FREM2: variants seen among roughly 807,000 people sequenced by gnomAD.
The protein encoded by FREM2 is FRAS1 related extracellular matrix 2.
FREM2 carries 119 observed loss-of-function variants against 219.9 expected under a neutral mutation model. The ratio of observed to expected loss-of-function variants is 0.54; its 90% confidence interval spans 0.47 to 0.63. FREM2 has a LOEUF of 0.63. Ranked by LOEUF, FREM2 falls within the 30% of genes least tolerant of loss-of-function variation. The probability of loss-of-function intolerance (pLI) is 0.00; values close to 1 mark genes in which losing one functional copy is unlikely to be tolerated. For missense variants in FREM2, 4,030 were observed against 3,993.6 expected (o/e 1.01, Z -0.25); for synonymous variants, 1,562 against 1,522.8 (o/e 1.03, Z -0.60).
At chr13:38,840,270 C>G (rs115355027) in intron 6 of FREM2, among the ~76,000 whole-genome samples, 1,725 of 152,078 alleles carry the variant, frequency 0.011, 40 homozygotes, top group African/African-American at 0.04. Flanking sequence ...TCTGCTTGCT[C>G]TCCATGGGCT....
Position 38,861,481 on chromosome 13 carries a change from G to C in FREM2, c.7570G>C (p.Ala2524Pro). 1.2e-6 allele frequency: 2 copies of C among 1,605,224 alleles called. No individual in the cohort carries two copies. Among genetic ancestry groups the C allele is most frequent in the South Asian group, 2.2e-5 (2 of 90,886 alleles). ...PGVVGAEPFS[A>P]KLRYTGPEDA... is the part of the protein sequence containing the mutation. ...GGTTGTTGGAGCAGAGCCGTTCTCA[G>C]CTAAATTGCGCTACACAGGCCCTGA... The change falls in exon 15 of 24, where the codon GCT becomes CCT. Residue 2524 changes from alanine to proline, a missense_variant. Around this residue, in one of 2 missense-constraint regions of FREM2, gnomAD observed 928 missense variants for 1,042.9 expected, o/e 0.89. Transcript: ENST00000280481.
At chr13:38,825,521 A>C (rs1051305302) in intron 6 of FREM2, among the ~76,000 whole-genome samples, 1 of 152,132 alleles carries the variant, frequency 6.6e-6, no homozygotes, top group African/African-American at 2.4e-5. Flanking sequence ...GAGTTTTCCT[A>C]GGTACGTCTC....
rs752080876 is a variant in FREM2 at position 38,851,750 on chromosome 13, G to A, written c.6807G>A (p.Ser2269=). 33 of 1,613,344 alleles carry A rather than the reference G, an allele frequency of 2.0e-5. No individual in the cohort carries two copies. The highest frequency in any genetic ancestry group is 5.0e-5 in the Admixed American group (3 of 59,998). ...SVTEPKEPGE[S]VVIRIPVIRQ... is the part of the protein sequence containing the mutation. ...CTGAACCCAAAGAACCTGGAGAGTC[G>A]GTGGTTATAAGAATTCCAGTGATTC... The change falls in exon 11 of 24, where the codon TCG becomes TCA. Residue 2269 remains serine, a synonymous_variant. Transcript: ENST00000280481.
chr13:38,851,741 TGGAGAGTC>T lies in FREM2; in HGVS notation c.6801_6808del (p.Glu2268GlyfsTer41), dbSNP rs1303342390. 1 of 1,613,606 alleles carries T rather than the reference TGGAGAGTC, an allele frequency of 6.2e-7. No homozygotes were observed. The highest frequency in any genetic ancestry group is 1.1e-5 in the South Asian group (1 of 91,068). ...TTAGTGTCACTGAACCCAAAGAACC[TGGAGAGTC>T]GGTGGTTATAAGAATTCCAGTGATT... On this transcript the variant is annotated frameshift_variant, in exon 11 of 24. Coordinates refer to ENST00000280481, the MANE Select transcript of FREM2 (RefSeq NM_207361.6). LOFTEE classifies it high-confidence loss of function.
intron 23 of FREM2, 143 bp downstream of exon 23, chr13:38,879,120 G>C: frequency 2.4e-6 from 2 of 850,728 alleles, no homozygotes; most frequent in Non-Finnish European, 4.0e-6. Flanking sequence ...ATAAGATATG[G>C]CAAATAAACT....
chr13:38,771,946 C>G (rs1005335748), intron 4 of FREM2, among the ~76,000 whole-genome samples: 2 of 152,146 alleles, frequency 1.3e-5, no homozygotes, highest in African/African-American at 2.4e-5. Flanking sequence ...ATTCTTACTT[C>G]TAACATCATA....
chr13:38,715,925 A>G (rs1216522589), intron 2 of FREM2, among the ~76,000 whole-genome samples: 1 of 152,174 alleles, frequency 6.6e-6, no homozygotes, highest in Non-Finnish European at 1.5e-5. Flanking sequence ...CATAAATCAT[A>G]AAGTGCTACA....
chr13:38,746,275 G>A (rs1241536789), intron 2 of FREM2, among the ~76,000 whole-genome samples: 2 of 152,200 alleles, frequency 1.3e-5, no homozygotes, highest in African/African-American at 2.4e-5. Context: ...AGATAAGTAG[G>A]GAAAACCTGT....
chr13:38,711,605 G>T (rs775888501), intron 2 of FREM2, among the ~76,000 whole-genome samples: 1 of 152,038 alleles, frequency 6.6e-6, no homozygotes. Context: ...TTCAAGGAAT[G>T]GATTGTTTTT....
At position 38,883,119 on chromosome 13, in the gene FREM2, C is replaced by T. The variant is rs1307606861; in HGVS notation, c.*2332C>T. ...CTGTCCTCTATTCTCTTACTCTCCTCTCTCCCTTTTTCCTTCCCTTTATTC... is the reference window on the plus strand; with the variant it reads ...CTGTCCTCTATTCTCTTACTCTCCTTTCTCCCTTTTTCCTTCCCTTTATTC... On this transcript the variant is annotated 3_prime_UTR_variant, in exon 24 of 24. Transcript: ENST00000280481. The T allele has an allele frequency of 6.6e-6, 1 of 152,170 alleles. No homozygotes were observed. The highest frequency in any genetic ancestry group is 6.5e-5 in the Admixed American group (1 of 15,270). 9.4% of individuals were successfully genotyped at this position (152,170 alleles called of 1,614,324 possible).
At chr13:38,727,000 C>G (rs75508455) in intron 2 of FREM2, among the ~76,000 whole-genome samples, 8,560 of 152,136 alleles carry the variant, frequency 0.056, 772 homozygotes, top group African/African-American at 0.19. Context: ...TCAAGCCTGA[C>G]AAACTAAAAT....
chr13:38,786,550 A>C (rs1464853143), intron 6 of FREM2, among the ~76,000 whole-genome samples: 1 of 152,216 alleles, frequency 6.6e-6, no homozygotes, highest in Admixed American at 6.5e-5. Context: ...CATTTCAGAA[A>C]AATCTAATAG....
intron 6 of FREM2, among the ~76,000 whole-genome samples, chr13:38,824,178 AGAGT>A (rs1235202589): frequency 1.3e-5 from 2 of 152,134 alleles, no homozygotes; most frequent in Non-Finnish European, 2.9e-5. Context: ...TAGAGAAGAA[AGAGT>A]GAGGAGAAAG....
In FREM2 at chr13:38,880,856, T is replaced by G; in HGVS notation, c.*69T>G. 1 of 1,553,364 alleles carries G rather than the reference T, an allele frequency of 6.4e-7. No homozygotes were observed. The highest frequency in any genetic ancestry group is 8.9e-7 in the Non-Finnish European group (1 of 1,129,194). ...AAGATCACAATGGAACCTTAAATACTTCTGGTAAACCATAGAGAATGGAGG... is the reference window on the plus strand; with the variant it reads ...AAGATCACAATGGAACCTTAAATACGTCTGGTAAACCATAGAGAATGGAGG... On this transcript the variant is annotated 3_prime_UTR_variant, in exon 24 of 24. Coordinates refer to ENST00000280481, the MANE Select transcript of FREM2 (RefSeq NM_207361.6).
At chr13:38,827,882 C>G (rs1026295697) in intron 6 of FREM2, among the ~76,000 whole-genome samples, 5 of 152,110 alleles carry the variant, frequency 3.3e-5, no homozygotes, top group Non-Finnish European at 5.9e-5. Flanking sequence ...GAGAGACTTT[C>G]TACTCTCTAA....
intron 6 of FREM2, among the ~76,000 whole-genome samples, chr13:38,840,731 TAC>T (rs373084826): frequency 0.14 from 21,313 of 150,062 alleles, 1,728 homozygotes; most frequent in Admixed American, 0.24. Context: ...TATATATATA[TAC>T]ACACACACAC....
chr13:38,782,632 C>A (rs940660704), intron 4 of FREM2, among the ~76,000 whole-genome samples: 2 of 152,168 alleles, frequency 1.3e-5, no homozygotes, highest in Non-Finnish European at 2.9e-5. Context: ...ACTTGGCCAG[C>A]CATTGACAAA....
chr13:38,729,512 A>G (rs926567429), intron 2 of FREM2, among the ~76,000 whole-genome samples: 1 of 152,128 alleles, frequency 6.6e-6, no homozygotes, highest in Non-Finnish European at 1.5e-5. Flanking sequence ...TCTTGACCTA[A>G]CTAGGAATTT....
At chr13:38,801,632 G>T (rs1466517986) in intron 6 of FREM2, among the ~76,000 whole-genome samples, 1 of 152,112 alleles carries the variant, frequency 6.6e-6, no homozygotes, top group Non-Finnish European at 1.5e-5. Context: ...TTTCTCTGTG[G>T]CCTAGGGTAT....
Sources: allele counts gnomAD v4.1 joint callset (sites outside exome capture counted in the v4.1 genomes callset), GRCh38; gene constraint gnomAD v4.1.1; regional missense constraint gnomAD v4.1.1; transcripts MANE v1.5; gene names NCBI Gene and HGNC (gene_info 2026-07-23, HGNC 2026-07-21).